The following RBFOX1 variants were observed in gnomAD, a reference collection of about 807,000 sequenced individuals.
RBFOX1 encodes RNA binding fox-1 homolog 1.
Under a neutral mutation model 57.7 loss-of-function variants are expected in RBFOX1, and 8 were observed. That is an observed-to-expected ratio of 0.14 (90% CI 0.08 to 0.25). RBFOX1 has a LOEUF of 0.25. RBFOX1 is among the 10% of genes least tolerant of loss of function. RBFOX1 has a pLI of 1.00. For synonymous variants in RBFOX1, 326 were observed against 222.4 expected (o/e 1.47, Z -4.15); for missense variants, 611 against 548.5 (o/e 1.11, Z -1.14).
chr16:6,241,164 C>T (rs1194805415), intron 1 of RBFOX1, among the ~76,000 whole-genome samples: 1 of 152,184 alleles, frequency 6.6e-6, no homozygotes, highest in Non-Finnish European at 1.5e-5. Context: ...CCCCAACGCC[C>T]CTGCCAGAGA....
chr16:5,438,861 G>A (rs917370), intron 1 of RBFOX1, among the ~76,000 whole-genome samples: 3,984 of 152,210 alleles, frequency 0.026, 181 homozygotes, highest in African/African-American at 0.09. Context: ...CACGAGTCGA[G>A]TAGGAGGTGA....
At chr16:6,770,596 A>G (rs759556226) in intron 3 of RBFOX1, among the ~76,000 whole-genome samples, 2 of 148,412 alleles carry the variant, frequency 1.3e-5, no homozygotes, top group Non-Finnish European at 3.0e-5. Flanking sequence ...TCCCTGTTCA[A>G]TTTTTTTTTT....
At chr16:5,856,230 T>C (rs143172296) in intron 3 of RBFOX1, among the ~76,000 whole-genome samples, 25,744 of 64,078 alleles carry the variant, frequency 0.4, 6,209 homozygotes, top group Non-Finnish European at 0.48. Context: ...TATATATATG[T>C]ATATATATGT....
intron 2 of RBFOX1, among the ~76,000 whole-genome samples, chr16:5,584,480 C>A (rs779375610): frequency 6.6e-6 from 1 of 152,192 alleles, no homozygotes; most frequent in Admixed American, 6.5e-5. Context: ...ATACCATTGC[C>A]CACTTGCAAA....
At chr16:6,506,017 T>C (rs1045414785) in intron 2 of RBFOX1, among the ~76,000 whole-genome samples, 1 of 152,176 alleles carries the variant, frequency 6.6e-6, no homozygotes, top group Non-Finnish European at 1.5e-5. Flanking sequence ...CTGAGCTAAC[T>C]GGGATAGGTG....
In RBFOX1 at chr16:5,918,034, C is replaced by T. The variant is rs145339310; in HGVS notation, c.351+50699C>T. Among the ~76,000 whole-genome samples, 7 of 152,308 alleles carry T rather than the reference C, an allele frequency of 4.6e-5. No individual in the cohort carries two copies. In the East Asian group the frequency reaches 1.2e-3, roughly 25 times the overall value. ...GATCCTCGCCTTCTAAGAAAGCCCT[C>T]CTTTCACAGGTCAAATTCCATGTCC... On this transcript the variant is annotated intron_variant, in intron 4 of 19. Transcript: ENST00000641259.
intron 4 of RBFOX1, among the ~76,000 whole-genome samples, chr16:7,463,373 G>A (rs2059922937): frequency 6.6e-6 from 1 of 152,128 alleles, no homozygotes. Flanking sequence ...GTGTGATTGT[G>A]GGTGCCTGTA....
chr16:7,630,142 T>G (rs2060709676), intron 10 of RBFOX1, among the ~76,000 whole-genome samples: 1 of 152,008 alleles, frequency 6.6e-6, no homozygotes, highest in Admixed American at 6.6e-5. Context: ...AGTCATATGA[T>G]GCACAGCCAT....
At chr16:6,143,017 G>A (rs565710814) in intron 1 of RBFOX1, among the ~76,000 whole-genome samples, 5 of 152,114 alleles carry the variant, frequency 3.3e-5, no homozygotes, top group South Asian at 4.2e-4. Context: ...TTTTCAGCTC[G>A]GCTCTTGGTA....
At chr16:7,046,334 G>A (rs1199981771) in intron 3 of RBFOX1, among the ~76,000 whole-genome samples, 2 of 151,866 alleles carry the variant, frequency 1.3e-5, no homozygotes, top group Non-Finnish European at 2.9e-5. Context: ...CTTAAAGGTT[G>A]TGTTATAGGG....
intron 4 of RBFOX1, among the ~76,000 whole-genome samples, chr16:7,256,313 G>C (rs943389671): frequency 5.3e-5 from 8 of 152,138 alleles, no homozygotes; most frequent in African/African-American, 1.7e-4. Context: ...TCCACAGTCA[G>C]CGAGCAGATC....
At chr16:7,385,574 G>C (rs574325210) in intron 4 of RBFOX1, among the ~76,000 whole-genome samples, 3 of 152,268 alleles carry the variant, frequency 2.0e-5, no homozygotes, top group African/African-American at 4.8e-5. Flanking sequence ...AAAGGCCATG[G>C]TTATTTGCCA....
At chr16:7,382,498 C>T (rs1193992709) in intron 4 of RBFOX1, among the ~76,000 whole-genome samples, 1 of 152,290 alleles carries the variant, frequency 6.6e-6, no homozygotes, top group Admixed American at 6.5e-5. Flanking sequence ...TTATTAAATA[C>T]TGACAGTGTT....
At chr16:6,306,669 G>A (rs73523274) in intron 1 of RBFOX1, among the ~76,000 whole-genome samples, 5,064 of 152,248 alleles carry the variant, frequency 0.033, 287 homozygotes, top group African/African-American at 0.11. Flanking sequence ...ATGGGAAGGA[G>A]CATTTTCATC....
At chr16:6,467,707 A>G (rs1156481643) in intron 2 of RBFOX1, among the ~76,000 whole-genome samples, 1 of 152,208 alleles carries the variant, frequency 6.6e-6, no homozygotes, top group African/African-American at 2.4e-5. Flanking sequence ...GTGATATGCC[A>G]CTGGACTCTT....
In RBFOX1 at chr16:5,350,806, A is replaced by C. The variant is rs1055475332; in HGVS notation, c.219+110701A>C. 5.3e-5 allele frequency among the ~76,000 whole-genome samples: 8 copies of C among 152,342 alleles called. No homozygotes were observed. In the South Asian group the frequency reaches 1.7e-3, roughly 32 times the overall value. ...ACTTGAACCCGGAGGCGGAGGTTGCAGTGAGCCGATATTGCACCACTGCGC... is the reference window on the plus strand; with the variant it reads ...ACTTGAACCCGGAGGCGGAGGTTGCCGTGAGCCGATATTGCACCACTGCGC... On this transcript the variant is annotated intron_variant, in intron 1 of 2. Coordinates refer to the RBFOX1 transcript ENST00000585867.
intron 3 of RBFOX1, among the ~76,000 whole-genome samples, chr16:5,694,468 A>G (rs532045850): frequency 1.3e-5 from 2 of 152,292 alleles, no homozygotes; most frequent in African/African-American, 4.8e-5. Flanking sequence ...CACTTGGTCT[A>G]TGAAATCGGT....
intron 4 of RBFOX1, among the ~76,000 whole-genome samples, chr16:7,488,259 C>T (rs575046263): frequency 6.6e-6 from 1 of 152,204 alleles, no homozygotes; most frequent in East Asian, 1.9e-4. Flanking sequence ...GTTGTTCTGG[C>T]ATGGTGAAAG....
At chr16:6,834,364 A>G (rs1399038947) in intron 3 of RBFOX1, among the ~76,000 whole-genome samples, 1 of 152,120 alleles carries the variant, frequency 6.6e-6, no homozygotes, top group Non-Finnish European at 1.5e-5. Context: ...GGCATGAGGC[A>G]CCACGCCTGG....
Sources: gnomAD v4.1 joint callset for allele counts (sites outside exome capture counted in the v4.1 genomes callset) on GRCh38, gnomAD v4.1.1 for gene constraint, MANE v1.5 for transcripts, NCBI Gene and HGNC (gene_info 2026-07-23, HGNC 2026-07-21) for gene names.